Variants in RRM2 observed in about 807,000 individuals in gnomAD.
RRM2 encodes the protein ribonucleotide reductase regulatory subunit M2, also known as ribonucleoside-diphosphate reductase subunit M2.
Under a neutral mutation model 45.9 loss-of-function variants are expected in RRM2, and 6 were observed. That is an observed-to-expected ratio of 0.13 (90% confidence interval 0.07 to 0.26). The LOEUF is 0.26. RRM2 is among the 10% of genes least tolerant of loss of function. The pLI, the probability that RRM2 is intolerant of heterozygous loss-of-function variation, is 1.00. For missense variants in RRM2, 343 were observed against 489.5 expected (o/e 0.70, Z 2.82); for synonymous variants, 177 against 173.0 (o/e 1.02, Z -0.18).
upstream of RRM2, among the ~76,000 whole-genome samples, chr2:10,137,999 C>CTTTGT (rs200907657): frequency 1.3e-5 from 2 of 152,124 alleles, no homozygotes; most frequent in South Asian, 2.1e-4. Flanking sequence ...TAGGCTCCCT[C>CTTTGT]TTTGTTTTGT....
chr2:10,189,554 A>G (rs78513351), intron 3 of RRM2, among the ~76,000 whole-genome samples: 1,547 of 152,310 alleles, frequency 0.01, 7 homozygotes, highest in Non-Finnish European at 0.017. Context: ...AGCAGACCAC[A>G]GTGGCTGCTT....
At chr2:10,157,016 CTTTTTTTTTTT>C (rs71391198) in intron 3 of RRM2, among the ~76,000 whole-genome samples, 9 of 85,934 alleles carry the variant, frequency 1.0e-4, no homozygotes, top group Middle Eastern at 0.014. Flanking sequence ...CAGCCCATTT[CTTTTTTTTTTT>C]TTTTTTTTTT....
At chr2:10,158,741 G>A (rs914616522) in intron 3 of RRM2, among the ~76,000 whole-genome samples, 2 of 152,072 alleles carry the variant, frequency 1.3e-5, no homozygotes, top group Non-Finnish European at 2.9e-5. Flanking sequence ...GCAGCCAAGC[G>A]GGAGACTGGC....
At chr2:10,138,167 A>ATTTTTT (rs35428652), upstream of RRM2, among the ~76,000 whole-genome samples, 1 of 136,130 alleles carries the variant, frequency 7.3e-6, no homozygotes. Flanking sequence ...TGCCCGGCTA[A>ATTTTTT]TTTTTTTTTT....
intron 3 of RRM2, among the ~76,000 whole-genome samples, chr2:10,209,012 C>T (rs1407011513): frequency 7.0e-6 from 1 of 143,052 alleles, no homozygotes; most frequent in African/African-American, 2.5e-5. Context: ...CCCAGTCAGT[C>T]CCTGCTGCAG....
At chr2:10,180,475 C>T (rs1402861083) in intron 3 of RRM2, among the ~76,000 whole-genome samples, 2 of 152,146 alleles carry the variant, frequency 1.3e-5, no homozygotes. Context: ...GGGCCAGGCC[C>T]ATTTATGTTT....
At chr2:10,207,683 CA>C (rs1664688655) in intron 3 of RRM2, among the ~76,000 whole-genome samples, 1 of 152,100 alleles carries the variant, frequency 6.6e-6, no homozygotes, top group Non-Finnish European at 1.5e-5. Context: ...TCGTTTAGTG[CA>C]TTTGGCACTT....
intron 3 of RRM2, among the ~76,000 whole-genome samples, chr2:10,207,513 G>A (rs1050191383): frequency 3.3e-5 from 5 of 152,092 alleles, no homozygotes; most frequent in Non-Finnish European, 7.4e-5. Context: ...TCATGATTCA[G>A]TCCCCACCCA....
chr2:10,187,881 G>A (rs763082406), intron 3 of RRM2, among the ~76,000 whole-genome samples: 7 of 152,172 alleles, frequency 4.6e-5, no homozygotes, highest in Non-Finnish European at 7.3e-5. Context: ...CTGATGCCAC[G>A]GTTCTCAAAG....
intron 4 of RRM2, 178 bp downstream of exon 4, chr2:10,124,030 TC>T: frequency 1.6e-6 from 1 of 620,324 alleles, no homozygotes; most frequent in South Asian, 1.9e-5. Flanking sequence ...TATGGTATTT[TC>T]CCGACTCTAG....
At chr2:10,153,891 A>G (rs1310966695) in intron 3 of RRM2, among the ~76,000 whole-genome samples, 2 of 152,198 alleles carry the variant, frequency 1.3e-5, no homozygotes, top group Non-Finnish European at 2.9e-5. Context: ...GGAGGGGAGA[A>G]GGGAGAGGTG....
In RRM2 at chr2:10,127,574, A is replaced by C. The variant is rs1319077807; in HGVS notation, c.798+354A>C. 6.6e-6 allele frequency among the ~76,000 whole-genome samples: 1 copy of C among 152,102 alleles called. No homozygotes were observed. The highest frequency in any genetic ancestry group is 1.9e-4 in the East Asian group (1 of 5,166). On this transcript the variant is annotated intron_variant, in intron 7 of 9. Coordinates refer to ENST00000304567, the MANE Select transcript of RRM2 (RefSeq NM_001034.4). The surrounding 1 kb of genome is among the most constrained non-coding windows in gnomAD (Gnocchi z 4.1). ...ACTGCAACCTCTGCCTCCTAGGTTCAAGTGATTCTCCCGCCTCAGCCTCCC... is the reference window on the plus strand; with the variant it reads ...ACTGCAACCTCTGCCTCCTAGGTTCCAGTGATTCTCCCGCCTCAGCCTCCC...
exon 4 of RRM2, chr2:10,210,525 C>T (rs1304206167): frequency 7.3e-7 from 1 of 1,367,424 alleles, no homozygotes; most frequent in Admixed American, 1.9e-5. Flanking sequence ...TTCAGCATAT[C>T]CTTTCACTGG....
chr2:10,161,666 GCACA>G lies in RRM2; in HGVS notation n.482+19300_482+19303del, dbSNP rs376276275. On this transcript the variant is annotated intron_variant and non_coding_transcript_variant, in intron 3 of 3. Transcript: ENST00000381786. Reference sequence around the variant, plus strand: ...CACTCACACATACACTCACACTCATGCACACACACACATTCACACACACACACAC... The same window carrying G: ...CACTCACACATACACTCACACTCATGCACACACATTCACACACACACACAC... Among the ~76,000 whole-genome samples, 1,190 of 147,480 alleles carry G rather than the reference GCACA, an allele frequency of 8.1e-3. 13 individuals are homozygous for G. Among genetic ancestry groups the G allele is most frequent in the African/African-American group, 0.029 (1,135 of 39,466 alleles).
At chr2:10,144,048 A>G (rs1663140868) in intron 3 of RRM2, among the ~76,000 whole-genome samples, 1 of 152,220 alleles carries the variant, frequency 6.6e-6, no homozygotes, top group South Asian at 2.1e-4. Flanking sequence ...GACAGAATGC[A>G]TGTCCGCTCT....
intron 3 of RRM2, among the ~76,000 whole-genome samples, chr2:10,144,461 G>C (rs971372312): frequency 2.6e-5 from 4 of 152,160 alleles, no homozygotes; most frequent in African/African-American, 9.7e-5. Flanking sequence ...CTGGGGCCTC[G>C]GGGCTGTAGC....
In RRM2 at chr2:10,200,590, GCGCAAAATATGAGGCC is replaced by G. The variant is rs1558406864; in HGVS notation, n.483-9719_483-9704del. The stretch of plus-strand genomic sequence containing the variant: ...AATATGAGGCCCACAGGGACCGCGC[GCGCAAAATATGAGGCC>G]CACAGGGACCGCGCGCGCAAAATAT... On this transcript the variant is annotated intron_variant and non_coding_transcript_variant, in intron 3 of 3. Transcript: ENST00000381786. Among the ~76,000 whole-genome samples the G allele has an allele frequency of 5.5e-4, 4 of 7,214 alleles. 1 individual carries two copies. The highest frequency in any genetic ancestry group is 8.0e-4 in the African/African-American group (2 of 2,490). 4.7% of individuals were successfully genotyped at this position (7,214 alleles called of 152,430 possible).
downstream of RRM2, among the ~76,000 whole-genome samples, chr2:10,135,342 A>G (rs1296049924): frequency 2.0e-5 from 3 of 152,174 alleles, no homozygotes; most frequent in Non-Finnish European, 4.4e-5. Context: ...GAACTAGAAT[A>G]ATGGACGCTG....
chr2:10,124,668 C>T, intron 4 of RRM2, 49 bp from the exon 5 acceptor site: 1 of 1,608,576 alleles, frequency 6.2e-7, no homozygotes, highest in Non-Finnish European at 8.5e-7. Flanking sequence ...TTGACAGTTG[C>T]TGCTGTTGGT....
Sources: gnomAD v4.1 joint callset for allele counts (sites outside exome capture counted in the v4.1 genomes callset) on GRCh38, gnomAD v4.1.1 for gene constraint, Gnocchi (gnomAD v3.1) non-coding constraint, MANE v1.5 for transcripts, NCBI Gene and HGNC (gene_info 2026-07-23, HGNC 2026-07-21) for gene names.